The following XKR6 variants were observed in gnomAD, a reference collection of about 807,000 sequenced individuals.
XKR6 encodes XK related 6.
Under a neutral mutation model 56.7 loss-of-function variants are expected in XKR6, and 22 were observed. The observed-to-expected ratio is 0.39, with a 90% CI of 0.28 to 0.55. The LOEUF (loss-of-function observed/expected upper bound fraction) is 0.55, where lower values mean the gene tolerates loss of function less well. Among genes scored for constraint, XKR6 ranks in the 20% least tolerant of loss-of-function variants. XKR6 has a pLI of 0.66. For synonymous variants in XKR6, 524 were observed against 387.8 expected (o/e 1.35, Z -4.13); for missense variants, 852 against 889.0 (o/e 0.96, Z 0.53).
intron 1 of XKR6, among the ~76,000 whole-genome samples, chr8:10,963,042 G>C (rs909929362): frequency 2.0e-5 from 3 of 152,094 alleles, no homozygotes; most frequent in Non-Finnish European, 4.4e-5. Context: ...GCTCCTGCCC[G>C]GCACCCCTGC....
chr8:11,167,096 G>T (rs1802116948), intron 1 of XKR6, among the ~76,000 whole-genome samples: 1 of 152,074 alleles, frequency 6.6e-6, no homozygotes, highest in African/African-American at 2.4e-5. Flanking sequence ...ACTGGGAGAT[G>T]TCGAAAAAAT....
At chr8:11,156,402 T>A in intron 1 of XKR6, among the ~76,000 whole-genome samples, 1 of 152,160 alleles carries the variant, frequency 6.6e-6, no homozygotes, top group Non-Finnish European at 1.5e-5. Context: ...CTATTCTATC[T>A]CCCCACCTGC....
intron 1 of XKR6, among the ~76,000 whole-genome samples, chr8:11,039,637 G>A (rs1297153263): frequency 6.6e-6 from 1 of 152,234 alleles, no homozygotes; most frequent in African/African-American, 2.4e-5. Flanking sequence ...AGAGGGGAGA[G>A]CCCGGCGGTA....
chr8:11,091,807 C>T (rs554878271), intron 1 of XKR6, among the ~76,000 whole-genome samples: 1 of 152,242 alleles, frequency 6.6e-6, no homozygotes, highest in East Asian at 1.9e-4. Context: ...TCCATCCTGC[C>T]CATGGGACTG....
chr8:11,033,657 C>G (rs1451880490), intron 1 of XKR6, among the ~76,000 whole-genome samples: 1 of 152,062 alleles, frequency 6.6e-6, no homozygotes, highest in African/African-American at 2.4e-5. Flanking sequence ...CTCTACCAGC[C>G]CCTTAGAATT....
At chr8:10,914,121 C>G (rs1800488330) in intron 2 of XKR6, among the ~76,000 whole-genome samples, 1 of 152,142 alleles carries the variant, frequency 6.6e-6, no homozygotes, top group Admixed American at 6.5e-5. Context: ...TTGAATGGGT[C>G]TATGGGTGTA....
rs1325408908 is a variant in XKR6 at position 10,960,193 on chromosome 8, T to TGCAGGTACAGCAGGTGGGG, written c.765-35364_765-35363insCCCCACCTGCTGTACCTGC. On this transcript the variant is annotated intron_variant, in intron 1 of 2. Transcript: ENST00000416569. Reference sequence around the variant, plus strand: ...GGTGAGTGCAGGTATAGCAGGCAGGTGCAGGTACAGCAGGTGGGTGCAGGT... The same window carrying TGCAGGTACAGCAGGTGGGG: ...GGTGAGTGCAGGTATAGCAGGCAGGTGCAGGTACAGCAGGTGGGGGCAGGTACAGCAGGTGGGTGCAGGT... Among the ~76,000 whole-genome samples the TGCAGGTACAGCAGGTGGGG allele has an allele frequency of 2.1e-3, 321 of 152,146 alleles. 4 individuals carry two copies. Among genetic ancestry groups the TGCAGGTACAGCAGGTGGGG allele is most frequent in the African/African-American group, 7.4e-3 (307 of 41,420 alleles).
At chr8:11,198,573 T>C (rs764432723) in intron 1 of XKR6, among the ~76,000 whole-genome samples, 7 of 151,990 alleles carry the variant, frequency 4.6e-5, no homozygotes, top group Admixed American at 2.0e-4. Flanking sequence ...ACATTTTAAA[T>C]GTACTTTTCA....
chr8:11,182,255 C>T (rs780524926), intron 1 of XKR6, among the ~76,000 whole-genome samples: 22 of 152,120 alleles, frequency 1.4e-4, no homozygotes, highest in Non-Finnish European at 2.9e-4. Flanking sequence ...CAGGTGACGT[C>T]GTAGGATGGG....
At chr8:11,147,852 G>A (rs180726017) in intron 1 of XKR6, among the ~76,000 whole-genome samples, 1 of 152,062 alleles carries the variant, frequency 6.6e-6, no homozygotes, top group Admixed American at 6.5e-5. Context: ...TCATAGGAAG[G>A]CCTAATTCCC....
intron 1 of XKR6, among the ~76,000 whole-genome samples, chr8:11,176,726 A>T (rs1802675636): frequency 6.6e-6 from 1 of 151,970 alleles, no homozygotes; most frequent in Admixed American, 6.6e-5. Flanking sequence ...CAGTTAGGGC[A>T]TCTCCCTAGA....
At position 10,937,659 on chromosome 8, in the gene XKR6, C is replaced by A. The variant is rs9693783; in HGVS notation, c.765-12829G>T. 7.3e-3 allele frequency among the ~76,000 whole-genome samples: 1,085 copies of A among 149,258 alleles called. 7 individuals carry two copies. The highest frequency in any genetic ancestry group is 0.063 in the East Asian group (317 of 5,046). ...CTGCAGGTCTGTTGGAATACCCTGC[C>A]GTGTGAGGTGTCAGTGTGCCCCTGC... On this transcript the variant is annotated intron_variant, in intron 1 of 2. Coordinates refer to ENST00000416569, the MANE Select transcript of XKR6 (RefSeq NM_173683.4).
Position 11,015,397 on chromosome 8 carries a change from GAAT to G in XKR6, c.765-90570_765-90568del, listed in dbSNP as rs1798595753. Among the ~76,000 whole-genome samples, 3 of 152,190 alleles carry G rather than the reference GAAT, an allele frequency of 2.0e-5. No homozygotes were observed. The South Asian group carries it at 6.2e-4, about 32-fold the overall frequency. On this transcript the variant is annotated intron_variant, in intron 1 of 2. Coordinates refer to ENST00000416569, the MANE Select transcript of XKR6 (RefSeq NM_173683.4). ...ATTTAGGAAAGGTTTAGGGGAAGGA[GAAT>G]ATTTATAGCAACAAGGACGTGTCTA...
intron 1 of XKR6, among the ~76,000 whole-genome samples, chr8:10,933,217 G>T (rs1458047463): frequency 8.9e-6 from 1 of 111,896 alleles, no homozygotes; most frequent in East Asian, 1.9e-4. Flanking sequence ...GTCTGTTCAT[G>T]TCCCTCGCCC....
At chr8:11,060,188 G>T (rs1799794456) in intron 1 of XKR6, among the ~76,000 whole-genome samples, 2 of 152,150 alleles carry the variant, frequency 1.3e-5, no homozygotes, top group Admixed American at 1.3e-4. Flanking sequence ...CAAGTTCTGG[G>T]CTTAGGGGTG....
At chr8:11,044,148 T>C (rs1430165815) in intron 1 of XKR6, among the ~76,000 whole-genome samples, 1 of 152,244 alleles carries the variant, frequency 6.6e-6, no homozygotes, top group Non-Finnish European at 1.5e-5. Context: ...GACCGTGGAC[T>C]GGTTCTGGCT....
rs1804245209 is a variant in XKR6 at position 11,201,491 on chromosome 8, G to A, written c.-152C>T. 5.3e-6 allele frequency: 3 copies of A among 565,948 alleles called. No homozygotes were observed. The highest frequency in any genetic ancestry group is 2.0e-5 in the African/African-American group (1 of 49,666). The allele number at this position is 565,948 out of a possible 1,614,324, so 35.1% of individuals were successfully genotyped here. A position where few individuals can be genotyped will look rare whatever the true frequency, so the allele number is the denominator to read the frequency against. On this transcript the variant is annotated 5_prime_UTR_variant, in exon 1 of 3. Transcript: ENST00000416569. ...AAACGAACGAGGGGGGAGTGGGCCA[G>A]GGAACCCCCTCCGCTTCCGGGTAGT...
chr8:10,948,542 T>C (rs556033324), intron 1 of XKR6, among the ~76,000 whole-genome samples: 5 of 152,270 alleles, frequency 3.3e-5, no homozygotes, highest in Non-Finnish European at 7.4e-5. Context: ...TCTGCAGACC[T>C]TGTAGGGCCT....
intron 1 of XKR6, among the ~76,000 whole-genome samples, chr8:11,075,738 T>C (rs1357932957): frequency 1.3e-5 from 2 of 152,126 alleles, no homozygotes; most frequent in African/African-American, 4.8e-5. Flanking sequence ...CTGGGTGTGG[T>C]GGTGAGCACC....
Sources: gnomAD v4.1 joint callset for allele counts (sites outside exome capture counted in the v4.1 genomes callset) on GRCh38, gnomAD v4.1.1 for gene constraint, MANE v1.5 for transcripts, NCBI Gene and HGNC (gene_info 2026-07-23, HGNC 2026-07-21) for gene names.